Variants in RABL6 observed in about 807,000 individuals in gnomAD.
RABL6 encodes the protein rab-like protein 6.
RABL6 carries 28 observed loss-of-function variants against 72.9 expected under a neutral mutation model. That is an observed-to-expected ratio of 0.38 (90% CI 0.28 to 0.53). RABL6 has a LOEUF of 0.53. RABL6 is among the 20% of genes least tolerant of loss of function. The pLI, the probability that RABL6 is intolerant of heterozygous loss-of-function variation, is 0.80. For synonymous variants in RABL6, 477 were observed against 421.2 expected (o/e 1.13, Z -1.62); for missense variants, 1,029 against 1,008.4 (o/e 1.02, Z -0.28).
intron 1 of RABL6, chr9:136,821,368 G>C (rs1588354341): frequency 1.0e-6 from 1 of 985,474 alleles, no homozygotes; most frequent in Non-Finnish European, 1.2e-6. Context: ...ACCGCATGTG[G>C]AAACCACCGG....
At chr9:136,839,633 C>A (rs1381264097) in intron 12 of RABL6, 61 bp from the exon 13 acceptor site, 1 of 1,545,126 alleles carries the variant, frequency 6.5e-7, no homozygotes, top group African/African-American at 1.4e-5. Context: ...GGTTTGAGAT[C>A]CCACAACCCC....
chr9:136,830,565 C>T (rs1170955700), intron 5 of RABL6, among the ~76,000 whole-genome samples: 1 of 152,278 alleles, frequency 6.6e-6, no homozygotes, highest in African/African-American at 2.4e-5. Flanking sequence ...TGGTGCTCCT[C>T]TCCCTCCGGC....
At chr9:136,814,053 C>T (rs571259781) in intron 1 of RABL6, 3 of 389,474 alleles carry the variant, frequency 7.7e-6, no homozygotes, top group African/African-American at 4.4e-5. Flanking sequence ...CAAAGTCTTT[C>T]AAACCAGCGA....
chr9:136,818,471 C>T (rs939630997), intron 1 of RABL6, among the ~76,000 whole-genome samples: 9 of 147,484 alleles, frequency 6.1e-5, no homozygotes, highest in Non-Finnish European at 1.3e-4. Flanking sequence ...GGGTCAGGTG[C>T]GGTGGCTCAC....
intron 4 of RABL6, 117 bp from the exon 5 acceptor site, chr9:136,829,276 T>G: frequency 1.3e-6 from 1 of 797,106 alleles, no homozygotes; most frequent in South Asian, 1.5e-5. Flanking sequence ...CGTTTCCAAA[T>G]GGAAATGGCT....
chr9:136,840,464 T>TG lies in RABL6; in HGVS notation c.2138dup (p.Gly714ArgfsTer166), dbSNP rs1848671258. On this transcript the variant is annotated frameshift_variant, in exon 15 of 15. Coordinates refer to ENST00000311502, the MANE Select transcript of RABL6 (RefSeq NM_024718.5). LOFTEE classifies it high-confidence loss of function. ...GCTGCCGATGAGCTGGAGGCTTTCCTGGGGGGCGGGGCCCCGGGCGGCCGC... is the reference window on the plus strand; with the variant it reads ...GCTGCCGATGAGCTGGAGGCTTTCCTGGGGGGGCGGGGCCCCGGGCGGCCGC... The TG allele has an allele frequency of 1.3e-6, 2 of 1,537,084 alleles. No individual in the cohort carries two copies. The highest frequency in any genetic ancestry group is 1.8e-6 in the Non-Finnish European group (2 of 1,142,120).
chr9:136,839,266 C>A lies in RABL6; in HGVS notation c.1538C>A (p.Thr513Lys), dbSNP rs118049455. Residue 513 changes from threonine (T) to lysine (K), a missense_variant, in exon 12 of 15, where the codon ACG (threonine) becomes AAG (lysine). Physicochemically the swap from Thr to Lys is moderately conservative, Grantham distance 78. Around this residue, in one of 2 missense-constraint regions of RABL6, gnomAD observed 595 missense variants for 472.4 expected, o/e 1.26. Transcript: ENST00000311502. ...AAGCCACGGAGGGGGACAGCTCCCA[C>A]GAGGACCGCAGCACCCCCCTGGCCA... is the stretch of plus-strand genomic sequence containing the variant. ...ASKPRRGTAP[T>K]RTAAPPWPGG... The A allele has an allele frequency of 4.4e-6, 7 of 1,606,776 alleles. No homozygotes were observed. The South Asian group carries it at 4.4e-5, about 10-fold the overall frequency.
chr9:136,821,686 T>G, intron 1 of RABL6: 1 of 999,444 alleles, frequency 1.0e-6, no homozygotes, highest in Non-Finnish European at 1.2e-6. Context: ...CCTGGCTCCC[T>G]CCTGGCTGCG....
rs541080201 is a variant in RABL6, at chr9:136,838,937, A to C, written c.1309A>C (p.Met437Leu). ...TGGGGAGGCCCTGGGCGGCAACCCG[A>C]TGGTGGCAGGGTTCCAGGACGATGT... is the stretch of plus-strand genomic sequence containing the variant. ...SDGEALGGNPMVAGFQDDVDL... is the reference protein window; with the variant it reads ...SDGEALGGNPLVAGFQDDVDL... Residue 437 changes from methionine (M) to leucine (L), a missense_variant, in exon 11 of 15, where the codon ATG becomes CTG. By Grantham distance (15) the Met-to-Leu change is conservative. Transcript: ENST00000311502. 5 of 1,605,810 alleles carry C rather than the reference A, an allele frequency of 3.1e-6. No homozygotes were observed. Among genetic ancestry groups the C allele is most frequent in the African/African-American group, 2.7e-5 (2 of 74,932 alleles).
At chr9:136,825,886 GCTTC>G in intron 3 of RABL6, 60 bp downstream of exon 3, 2 of 1,553,696 alleles carry the variant, frequency 1.3e-6, no homozygotes, top group Non-Finnish European at 1.8e-6. Context: ...GCGCAGAGAG[GCTTC>G]CTTTCTTTCC....
chr9:136,811,443 C>G (rs1848009822), intron 1 of RABL6, among the ~76,000 whole-genome samples: 1 of 151,894 alleles, frequency 6.6e-6, no homozygotes, highest in Non-Finnish European at 1.5e-5. Context: ...CATGTCGAAA[C>G]CCCGTCTCTA....
chr9:136,832,263 A>C lies in RABL6; in HGVS notation c.600-2A>C. 1 of 1,613,196 alleles carries C rather than the reference A, an allele frequency of 6.2e-7. No individual in the cohort carries two copies. The highest frequency in any genetic ancestry group is 8.5e-7 in the Non-Finnish European group (1 of 1,179,260). ...TGCATCTTTTTTCCTTTCTGAAAGC[A>C]GACCTCCAGGTTCCTCCTACTTCCG... On this transcript the variant is annotated splice_acceptor_variant, in intron 6 of 14. Coordinates refer to ENST00000311502, the MANE Select transcript of RABL6 (RefSeq NM_024718.5). LOFTEE classifies it high-confidence loss of function.
Position 136,832,250 on chromosome 9 carries a change from C to A in RABL6, c.600-15C>A. On this transcript the variant is annotated splice_polypyrimidine_tract_variant and intron_variant, in intron 6 of 14. Transcript: ENST00000311502. Reference sequence around the variant, plus strand: ...AGGGTCTTTCTCTTGCATCTTTTTTCCTTTCTGAAAGCAGACCTCCAGGTT... The same window carrying A: ...AGGGTCTTTCTCTTGCATCTTTTTTACTTTCTGAAAGCAGACCTCCAGGTT... 1 of 1,608,164 alleles carries A rather than the reference C, an allele frequency of 6.2e-7. No individual in the cohort carries two copies. Among genetic ancestry groups the A allele is most frequent in the Non-Finnish European group, 8.5e-7 (1 of 1,175,040 alleles).
At chr9:136,825,320 G>A (rs992640095) in intron 2 of RABL6, among the ~76,000 whole-genome samples, 3 of 152,360 alleles carry the variant, frequency 2.0e-5, no homozygotes, top group Non-Finnish European at 1.5e-5. Flanking sequence ...CAGCAGAAGC[G>A]TACTCCATGG....
intron 1 of RABL6, chr9:136,821,502 C>G: frequency 1.0e-6 from 1 of 985,340 alleles, no homozygotes; most frequent in Non-Finnish European, 1.2e-6. Flanking sequence ...GCGGGCCCAG[C>G]GAGGCTATGC....
At chr9:136,833,707 G>C (rs1362306494) in intron 7 of RABL6, 1 of 1,550,102 alleles carries the variant, frequency 6.5e-7, no homozygotes, top group Non-Finnish European at 8.7e-7. Context: ...CAGCAGCCTT[G>C]GTCTTTCTCC....
At chr9:136,812,784 G>A (rs950362267) in intron 1 of RABL6, 7 of 359,318 alleles carry the variant, frequency 1.9e-5, no homozygotes, top group Admixed American at 8.9e-5. Context: ...GACAGAAGCC[G>A]TTCAAACTTT....
At position 136,839,240 on chromosome 9, in the gene RABL6, G is replaced by T; in HGVS notation, c.1512G>T (p.Ser504=). The T allele has an allele frequency of 6.2e-7, 1 of 1,600,854 alleles. No homozygotes were observed. The highest frequency in any genetic ancestry group is 1.3e-5 in the African/African-American group (1 of 74,774). Residue 504 remains serine, a synonymous_variant, in exon 12 of 15, where the codon TCG becomes TCT. Coordinates refer to ENST00000311502, the MANE Select transcript of RABL6 (RefSeq NM_024718.5). ...CACAAAGGTCCTCCATACCAGCTTCGAAGCCACGGAGGGGGACAGCTCCCA... is the reference window on the plus strand; with the variant it reads ...CACAAAGGTCCTCCATACCAGCTTCTAAGCCACGGAGGGGGACAGCTCCCA... The part of the protein sequence containing the change: ...PETKWSSIPA[S]KPRRGTAPTR...
intron 1 of RABL6, among the ~76,000 whole-genome samples, chr9:136,811,846 CT>C (rs889839400): frequency 6.6e-6 from 1 of 152,062 alleles, no homozygotes; most frequent in African/African-American, 2.4e-5. Context: ...TGCTGGTGAG[CT>C]TTTCCTGAAT....
Sources: allele counts gnomAD v4.1 joint callset (sites outside exome capture counted in the v4.1 genomes callset), GRCh38; gene constraint gnomAD v4.1.1; regional missense constraint gnomAD v4.1.1; transcripts MANE v1.5; gene names NCBI Gene and HGNC (gene_info 2026-07-23, HGNC 2026-07-21).